Variants in PCDHB13 observed in about 807,000 individuals in gnomAD.
PCDHB13 encodes protocadherin beta-13.
For synonymous variants in PCDHB13, 515 were observed against 450.7 expected, an observed-to-expected ratio of 1.14 and a Z score of -1.81; for missense variants, 1,065 against 1,016.7, an observed-to-expected ratio of 1.05 and a Z score of -0.65.
In PCDHB13 at chr5:141,215,825, G is replaced by A. The variant is rs1369181751; in HGVS notation, c.1702G>A (p.Gly568Ser). Residue 568 changes from glycine (G) to serine (S), a missense_variant, in exon 1 of 1, where the codon GGC becomes AGC. Transcript: ENST00000341948. ...CTTCGTGCTGTACCCGCTGCAGAACGGCTCCGCGCCCTGCACCGAGCTGGT... is the reference window on the plus strand; with the variant it reads ...CTTCGTGCTGTACCCGCTGCAGAACAGCTCCGCGCCCTGCACCGAGCTGGT... ...SPFVLYPLQN[G>S]SAPCTELVPR... The A allele has an allele frequency of 2.9e-5, 46 of 1,610,576 alleles. No homozygotes were observed. Among genetic ancestry groups the A allele is most frequent in the Non-Finnish European group, 3.5e-5 (41 of 1,179,520 alleles).
rs111974354 is a variant in PCDHB13 at position 141,215,269 on chromosome 5, T to C, written c.1146T>C (p.Ile382=). ...TTGATTCAGGAGAAAATGGGAAAAT[T>C]AGTTGCTCCATTCAGGAGGATCTAC... ...SDLDSGENGK[I]SCSIQEDLPF... The change falls in exon 1 of 1, where the codon ATT becomes ATC. Residue 382 remains isoleucine (I), a synonymous_variant. Coordinates refer to ENST00000341948, the MANE Select transcript of PCDHB13 (RefSeq NM_018933.4). 1.2e-6 allele frequency: 2 copies of C among 1,613,970 alleles called. No individual in the cohort carries two copies. Among genetic ancestry groups the C allele is most frequent in the East Asian group, 2.2e-5 (1 of 44,846 alleles).
rs545990028 is a variant in PCDHB13, at chr5:141,218,137, C to G, written c.*1617C>G. Reference sequence around the variant, plus strand: ...CTAATTTTTGCATATTTAGTAGAGACGAGGTTTCATCATATTGCCCAGACT... The same window carrying G: ...CTAATTTTTGCATATTTAGTAGAGAGGAGGTTTCATCATATTGCCCAGACT... On this transcript the variant is annotated 3_prime_UTR_variant, in exon 1 of 1. Coordinates refer to ENST00000341948, the MANE Select transcript of PCDHB13 (RefSeq NM_018933.4). The G allele has an allele frequency of 2.6e-5, 4 of 155,670 alleles. No individual in the cohort carries two copies. Among genetic ancestry groups the G allele is most frequent in the African/African-American group, 9.7e-5 (4 of 41,370 alleles). 9.6% of individuals were successfully genotyped at this position (155,670 alleles called of 1,614,324 possible).
chr5:141,215,165 G>A lies in PCDHB13; in HGVS notation c.1042G>A (p.Val348Ile). ...AGATGTGAACGACCATGCCCCAGAA[G>A]TTACCATGTCTGCATTTACCAGCCC... ...VIDVNDHAPE[V>I]TMSAFTSPIP... The change falls in exon 1 of 1, where the codon GTT becomes ATT. Residue 348 changes from valine (V) to isoleucine (I), a missense_variant. Val to Ile is a conservative substitution (Grantham distance 29). Coordinates refer to ENST00000341948, the MANE Select transcript of PCDHB13 (RefSeq NM_018933.4). 3 of 1,614,162 alleles carry A rather than the reference G, an allele frequency of 1.9e-6. No individual in the cohort carries two copies. Among genetic ancestry groups the A allele is most frequent in the South Asian group, 2.2e-5 (2 of 91,084 alleles).
rs782580240 is a variant in PCDHB13 at position 141,214,673 on chromosome 5, C to A, written c.550C>A (p.Arg184Ser). 3.1e-6 allele frequency: 5 copies of A among 1,614,024 alleles called. No homozygotes were observed. Among genetic ancestry groups the A allele is most frequent in the Non-Finnish European group, 3.4e-6 (4 of 1,180,006 alleles). Residue 184 changes from arginine (R) to serine (S), a missense_variant, in exon 1 of 1, where the codon CGC becomes AGC. Transcript: ENST00000341948. ...CAACTCCTATTTTCGGGTCCTCACCCGCAAACGCAGTGATGGCAGGAAATA... is the reference window on the plus strand; with the variant it reads ...CAACTCCTATTTTCGGGTCCTCACCAGCAAACGCAGTGATGGCAGGAAATA... Reference protein sequence around the residue: ...SPNSYFRVLTRKRSDGRKYPE... With the variant: ...SPNSYFRVLTSKRSDGRKYPE...
In PCDHB13 at chr5:141,216,415, C is replaced by G. The variant is rs1554288203; in HGVS notation, c.2292C>G (p.Phe764Leu). 1.9e-6 allele frequency: 3 copies of G among 1,614,198 alleles called. No homozygotes were observed. The highest frequency in any genetic ancestry group is 1.7e-4 in the Middle Eastern group (1 of 6,060). ...CLAGGSGTNE[F>L]KFLKPIIPNF... ...CAGGAGGCTCAGGGACCAATGAGTT[C>G]AAGTTCCTGAAGCCGATTATCCCCA... Residue 764 changes from phenylalanine (F) to leucine (L), a missense_variant, in exon 1 of 1, where the codon TTC becomes TTG. By Grantham distance (22) the Phe-to-Leu change is conservative. Coordinates refer to ENST00000341948, the MANE Select transcript of PCDHB13 (RefSeq NM_018933.4).
At position 141,215,797 on chromosome 5, in the gene PCDHB13, G is replaced by A. The variant is rs781959563; in HGVS notation, c.1674G>A (p.Ser558=). ...TGGTGCTGGACGCCAACGACAACTC[G>A]CCCTTCGTGCTGTACCCGCTGCAGA... is the stretch of plus-strand genomic sequence containing the variant. The part of the protein sequence containing the change: ...RVVVLDANDN[S]PFVLYPLQNG... Residue 558 remains serine (S), a synonymous_variant, in exon 1 of 1, where the codon TCG becomes TCA. Coordinates refer to ENST00000341948, the MANE Select transcript of PCDHB13 (RefSeq NM_018933.4). 6.2e-7 allele frequency: 1 copy of A among 1,611,508 alleles called. No homozygotes were observed. Among genetic ancestry groups the A allele is most frequent in the South Asian group, 1.1e-5 (1 of 90,970 alleles).
Position 141,214,790 on chromosome 5 carries a change from A to G in PCDHB13, c.667A>G (p.Arg223Gly), listed in dbSNP as rs1268048388. Residue 223 changes from arginine (R) to glycine (G), a missense_variant, in exon 1 of 1, where the codon AGA becomes GGA. By Grantham distance (125) the Arg-to-Gly change is moderately radical (BLOSUM62 -2). Transcript: ENST00000341948. Reference sequence around the variant, plus strand: ...AGCACTGGATGGTGGCTCTCCGCCCAGATCTGGCACTGCTCAGGTCTACAT... The same window carrying G: ...AGCACTGGATGGTGGCTCTCCGCCCGGATCTGGCACTGCTCAGGTCTACAT... ...LTALDGGSPP[R>G]SGTAQVYIEV... 1 of 1,614,102 alleles carries G rather than the reference A, an allele frequency of 6.2e-7. No individual in the cohort carries two copies. The highest frequency in any genetic ancestry group is 8.5e-7 in the Non-Finnish European group (1 of 1,180,060).
In PCDHB13 at chr5:141,216,382, G is replaced by A; in HGVS notation, c.2259G>A (p.Val753=). The change falls in exon 1 of 1, where the codon GTG becomes GTA. Residue 753 remains valine, a synonymous_variant. Coordinates refer to ENST00000341948, the MANE Select transcript of PCDHB13 (RefSeq NM_018933.4). The stretch of plus-strand genomic sequence containing the variant: ...TATCCCAGAGCTACCAGTATGAGGT[G>A]TGTCTGGCAGGAGGCTCAGGGACCA... ...RTLSQSYQYE[V]CLAGGSGTNE... 1 of 1,614,180 alleles carries A rather than the reference G, an allele frequency of 6.2e-7. No individual in the cohort carries two copies. The highest frequency in any genetic ancestry group is 1.7e-5 in the Admixed American group (1 of 60,022).
rs1588393385 is a variant in PCDHB13, at chr5:141,217,614, C to T, written c.*1094C>T. The T allele has an allele frequency of 6.0e-6, 1 of 166,858 alleles. No homozygotes were observed. The highest frequency in any genetic ancestry group is 6.5e-5 in the Admixed American group (1 of 15,268). The allele number at this position is 166,858 out of a possible 1,614,324, so 10.3% of individuals were successfully genotyped here. On this transcript the variant is annotated 3_prime_UTR_variant, in exon 1 of 1. Transcript: ENST00000341948. Reference sequence around the variant, plus strand: ...CATTGATAGTATCAAAAGATAGTCCCTTAGGGTTCTAATTTTAAAAAAATT... The same window carrying T: ...CATTGATAGTATCAAAAGATAGTCCTTTAGGGTTCTAATTTTAAAAAAATT...
rs1008046759 is a variant in PCDHB13, at chr5:141,216,975, A to G, written c.*455A>G. 1.2e-5 allele frequency: 3 copies of G among 253,084 alleles called. No homozygotes were observed. The highest frequency in any genetic ancestry group is 2.4e-5 in the Non-Finnish European group (3 of 124,024). The allele number at this position is 253,084 out of a possible 1,614,324, so 15.7% of individuals were successfully genotyped here. ...CCAGTGCGTTTTTAGTTAACCTTTA[A>G]ATATGCTTTTTGCTTTCAAAAATAA... On this transcript the variant is annotated 3_prime_UTR_variant, in exon 1 of 1. Transcript: ENST00000341948.
chr5:141,215,958 T>C lies in PCDHB13; in HGVS notation c.1835T>C (p.Leu612Pro), dbSNP rs558168940. The C allele has an allele frequency of 4.9e-4, 792 of 1,606,350 alleles. 10 individuals carry two copies. In the South Asian group the frequency reaches 5.7e-3, roughly 11 times the overall value. ...TACCAGCTGCTCAAGGCCACGGAGC[T>C]CGGTCTGTTCGGCGTGTGGGCGCAC... ...LSYQLLKATE[L>P]GLFGVWAHNG... Residue 612 changes from leucine to proline, a missense_variant, in exon 1 of 1, where the codon CTC (leucine) becomes CCC (proline). Transcript: ENST00000341948.
rs782250619 is a variant in PCDHB13, at chr5:141,214,915, G to A, written c.792G>A (p.Lys264=). 6.2e-7 allele frequency: 1 copy of A among 1,614,204 alleles called. No individual in the cohort carries two copies. The highest frequency in any genetic ancestry group is 8.5e-7 in the Non-Finnish European group (1 of 1,180,042). Reference sequence around the variant, plus strand: ...GTCCGGTAGGCTTCCTGGTTGTGAAGGTCTCTGCCACGGATGTAGACACAG... The same window carrying A: ...GTCCGGTAGGCTTCCTGGTTGTGAAAGTCTCTGCCACGGATGTAGACACAG... ...EDSPVGFLVV[K]VSATDVDTGV... The change falls in exon 1 of 1, where the codon AAG becomes AAA. Residue 264 remains lysine (K), a synonymous_variant. Coordinates refer to ENST00000341948, the MANE Select transcript of PCDHB13 (RefSeq NM_018933.4).
rs1359494815 is a variant in PCDHB13, at chr5:141,216,486, C to T, written c.2363C>T (p.Thr788Ile). ...GGGAAAGAAATACAAGGAAATTCTA[C>T]CTTCCCCAATAACTTTGGGTTCAAT... ...CPGKEIQGNS[T>I]FPNNFGFNIQ Residue 788 changes from threonine to isoleucine, a missense_variant, in exon 1 of 1, where the codon ACC becomes ATC. Transcript: ENST00000341948. 2.5e-6 allele frequency: 4 copies of T among 1,613,854 alleles called. No homozygotes were observed. The South Asian group carries it at 3.3e-5, about 13-fold the overall frequency.
Position 141,214,860 on chromosome 5 carries a change from CT to C in PCDHB13, c.740del (p.Phe247SerfsTer12), listed in dbSNP as rs1204812941. 4 of 1,614,054 alleles carry C rather than the reference CT, an allele frequency of 2.5e-6. No individual in the cohort carries two copies. The African/African-American group carries it at 5.3e-5, about 22-fold the overall frequency. The part of the protein sequence containing the change: ...VNDNAPEFEQ[P>X]FYRVQISEDS... ...GATAATGCCCCTGAATTTGAGCAGC[CT>C]TTCTATAGAGTGCAGATCTCTGAGG... On this transcript the variant is annotated frameshift_variant, in exon 1 of 1. Coordinates refer to ENST00000341948, the MANE Select transcript of PCDHB13 (RefSeq NM_018933.4). LOFTEE classifies it low-confidence loss of function (END_TRUNC).
rs150861413 is a variant in PCDHB13 at position 141,215,618 on chromosome 5, C to A, written c.1495C>A (p.Pro499Thr). 6.2e-7 allele frequency: 1 copy of A among 1,613,470 alleles called. No individual in the cohort carries two copies. The highest frequency in any genetic ancestry group is 8.5e-7 in the Non-Finnish European group (1 of 1,179,990). Residue 499 changes from proline (P) to threonine (T), a missense_variant, in exon 1 of 1, where the codon CCC becomes ACC. Coordinates refer to ENST00000341948, the MANE Select transcript of PCDHB13 (RefSeq NM_018933.4). ...SLLPPQDPHL[P>T]LTSLVSINAD... The stretch of plus-strand genomic sequence containing the variant: ...GCTGCCGCCCCAGGACCCGCACCTG[C>A]CCCTCACATCCCTGGTCTCCATCAA...
Position 141,216,320 on chromosome 5 carries a change from C to T in PCDHB13, c.2197C>T (p.Pro733Ser). ...GRCLVPEGPL[P>S]GHLVDMSGTR... The stretch of plus-strand genomic sequence containing the variant: ...CTGCTTGGTGCCCGAGGGCCCCCTT[C>T]CAGGGCATCTTGTGGACATGAGCGG... The change falls in exon 1 of 1, where the codon CCA (proline) becomes TCA (serine). Residue 733 changes from proline (P) to serine (S), a missense_variant. Coordinates refer to ENST00000341948, the MANE Select transcript of PCDHB13 (RefSeq NM_018933.4). The T allele has an allele frequency of 1.2e-6, 2 of 1,614,170 alleles. No individual in the cohort carries two copies. The highest frequency in any genetic ancestry group is 2.2e-5 in the East Asian group (1 of 44,874).
Position 141,216,396 on chromosome 5 carries a change from G to A in PCDHB13, c.2273G>A (p.Gly758Asp). 1 of 1,614,154 alleles carries A rather than the reference G, an allele frequency of 6.2e-7. No homozygotes were observed. The highest frequency in any genetic ancestry group is 8.5e-7 in the Non-Finnish European group (1 of 1,180,040). ...CAGTATGAGGTGTGTCTGGCAGGAG[G>A]CTCAGGGACCAATGAGTTCAAGTTC... is the stretch of plus-strand genomic sequence containing the variant. ...SYQYEVCLAG[G>D]SGTNEFKFLK... The change falls in exon 1 of 1, where the codon GGC becomes GAC. Residue 758 changes from glycine (G) to aspartate (D), a missense_variant. Transcript: ENST00000341948.
In PCDHB13 at chr5:141,215,155, T is replaced by C. The variant is rs368475060; in HGVS notation, c.1032T>C (p.His344=). ...TTCAAGTGATAGATGTGAACGACCA[T>C]GCCCCAGAAGTTACCATGTCTGCAT... The part of the protein sequence containing the change: ...VLIQVIDVND[H]APEVTMSAFT... Residue 344 remains histidine, a synonymous_variant, in exon 1 of 1, where the codon CAT becomes CAC. Coordinates refer to ENST00000341948, the MANE Select transcript of PCDHB13 (RefSeq NM_018933.4). 14 of 1,614,092 alleles carry C rather than the reference T, an allele frequency of 8.7e-6. No homozygotes were observed. The African/African-American group carries it at 1.9e-4, about 22-fold the overall frequency.
Position 141,217,273 on chromosome 5 carries a change from A to C in PCDHB13, c.*753A>C, listed in dbSNP as rs1754639747. The stretch of plus-strand genomic sequence containing the variant: ...AATTGGAGTTGTGTGTTAATGTGTA[A>C]AAATTTTTGCCTGTACTATCATATA... On this transcript the variant is annotated 3_prime_UTR_variant, in exon 1 of 1. Transcript: ENST00000341948. The C allele has an allele frequency of 6.0e-6, 1 of 166,704 alleles. No individual in the cohort carries two copies. The highest frequency in any genetic ancestry group is 1.5e-5 in the Non-Finnish European group (1 of 68,140). The allele number at this position is 166,704 out of a possible 1,614,324, so 10.3% of individuals were successfully genotyped here.
Sources: gnomAD v4.1 joint callset for allele counts on GRCh38, gnomAD v4.1.1 for gene constraint, MANE v1.5 for transcripts, NCBI Gene and HGNC (gene_info 2026-07-23, HGNC 2026-07-21) for gene names.